PTPRG: variants seen among roughly 807,000 people sequenced by gnomAD.
PTPRG encodes receptor-type tyrosine-protein phosphatase gamma.
PTPRG carries 102 observed loss-of-function variants against 165.3 expected under a neutral mutation model. The observed-to-expected ratio is 0.62, with a 90% CI of 0.53 to 0.73. The LOEUF (loss-of-function observed/expected upper bound fraction) is 0.73. Among genes scored for constraint, PTPRG ranks in the 30% least tolerant of loss-of-function variants. PTPRG has a pLI of 0.00. For synonymous variants in PTPRG, 675 were observed against 669.5 expected, an observed-to-expected ratio of 1.01 and a Z score of -0.13; for missense variants, 1,866 against 1,861.4, an observed-to-expected ratio of 1.00 and a Z score of -0.05.
At chr3:62,200,116 T>C (rs917390881) in intron 10 of PTPRG, among the ~76,000 whole-genome samples, 1 of 152,156 alleles carries the variant, frequency 6.6e-6, no homozygotes, top group Non-Finnish European at 1.5e-5. Flanking sequence ...GGTTCTTCAA[T>C]GCGTGTAGAG....
At chr3:61,626,462 G>T (rs988042095) in intron 1 of PTPRG, among the ~76,000 whole-genome samples, 2 of 152,150 alleles carry the variant, frequency 1.3e-5, no homozygotes, top group South Asian at 4.1e-4. Flanking sequence ...GCAGAATGTG[G>T]AATGGGTAGG....
chr3:62,016,991 T>A (rs2107750230), intron 4 of PTPRG, among the ~76,000 whole-genome samples: 1 of 152,320 alleles, frequency 6.6e-6, no homozygotes, highest in African/African-American at 2.4e-5. Flanking sequence ...GTTATTTACT[T>A]ATTGATTTCT....
chr3:62,194,818 G>T (rs1343704514), intron 9 of PTPRG, among the ~76,000 whole-genome samples: 1 of 150,358 alleles, frequency 6.7e-6, no homozygotes. Context: ...AAAAAAAAAA[G>T]AATAATGTTA....
chr3:62,015,287 A>AG (rs2041515031), intron 4 of PTPRG, among the ~76,000 whole-genome samples: 1 of 152,168 alleles, frequency 6.6e-6, no homozygotes, highest in Non-Finnish European at 1.5e-5. Context: ...TTTGAGGCAG[A>AG]GGCAGGAACC....
intron 2 of PTPRG, among the ~76,000 whole-genome samples, chr3:61,809,915 C>T (rs868784618): frequency 3.7e-4 from 57 of 152,290 alleles, no homozygotes; most frequent in African/African-American, 1.3e-3. Context: ...GCTCCTGTAT[C>T]AGGGAGGCAG....
intron 8 of PTPRG, among the ~76,000 whole-genome samples, chr3:62,170,081 G>C (rs1705159138): frequency 6.6e-6 from 1 of 152,102 alleles, no homozygotes. Context: ...CAGGCACCAG[G>C]TTCCCTCAAG....
chr3:61,632,240 T>C (rs1366570585), intron 1 of PTPRG, among the ~76,000 whole-genome samples: 1 of 151,638 alleles, frequency 6.6e-6, no homozygotes, highest in Admixed American at 6.6e-5. Flanking sequence ...CCTGGGGAGG[T>C]CAAGGCTGCA....
intron 5 of PTPRG, among the ~76,000 whole-genome samples, chr3:62,114,874 A>G (rs1702804329): frequency 1.3e-5 from 2 of 152,130 alleles, no homozygotes; most frequent in South Asian, 4.1e-4. Context: ...TCCTGGCCTC[A>G]AGCAATCCTC....
intron 2 of PTPRG, among the ~76,000 whole-genome samples, chr3:61,846,681 G>C (rs922244054): frequency 8.5e-5 from 13 of 152,148 alleles, no homozygotes; most frequent in Admixed American, 6.6e-5. Flanking sequence ...TTGGGAGGTT[G>C]AAGTAGACAG....
chr3:61,887,057 T>C (rs73096173), intron 2 of PTPRG, among the ~76,000 whole-genome samples: 8,739 of 147,810 alleles, frequency 0.059, 398 homozygotes, highest in East Asian at 0.23. Flanking sequence ...ACATCTCTTA[T>C]TTTCTGATTG....
In PTPRG at chr3:62,271,661, T is replaced by TC; in HGVS notation, c.3182+108dup. The TC allele has an allele frequency of 1.9e-6, 2 of 1,058,742 alleles. No homozygotes were observed. The highest frequency in any genetic ancestry group is 3.6e-5 in the South Asian group (2 of 54,826). 65.6% of individuals were successfully genotyped at this position (1,058,742 alleles called of 1,614,324 possible). On this transcript the variant is annotated intron_variant, in intron 21 of 29. Coordinates refer to ENST00000474889, the MANE Select transcript of PTPRG (RefSeq NM_002841.4). This position sits in a 1 kb window ranked among gnomAD's most constrained non-coding sequence, Gnocchi z 4.1. ...CTGCTTTCACTTAGAAGCTGAATCTTCCACTGGAAACTGGGATGGATAAGA... is the reference window on the plus strand; with the variant it reads ...CTGCTTTCACTTAGAAGCTGAATCTTCCCACTGGAAACTGGGATGGATAAGA...
rs1417138732 is a variant in PTPRG at position 61,738,305 on chromosome 3, T to C, written c.86-10573T>C. 7.0e-5 allele frequency among the ~76,000 whole-genome samples: 7 copies of C among 99,918 alleles called. 1 individual carries two copies. The highest frequency in any genetic ancestry group is 4.3e-3 in the Middle Eastern group (1 of 234). The allele number at this position is 99,918 out of a possible 152,430, so 65.6% of individuals were successfully genotyped here. On this transcript the variant is annotated intron_variant, in intron 1 of 29. Coordinates refer to ENST00000474889, the MANE Select transcript of PTPRG (RefSeq NM_002841.4). ...ATATATATATATATATATATATATA[T>C]ATATATACATATATATATATATATA...
chr3:61,584,575 T>G lies in PTPRG; in HGVS notation c.85+22203T>G, dbSNP rs1700387324. Among the ~76,000 whole-genome samples the G allele has an allele frequency of 1.4e-4, 4 of 27,904 alleles. No homozygotes were observed. The South Asian group carries it at 3.0e-3, about 21-fold the overall frequency. 18.3% of individuals were successfully genotyped at this position (27,904 alleles called of 152,430 possible). On this transcript the variant is annotated intron_variant, in intron 1 of 29. Coordinates refer to ENST00000474889, the MANE Select transcript of PTPRG (RefSeq NM_002841.4). ...CTGTACTTTCAAGTAAAGTTTAGGTTTTTTTTTTTTTTTCTACTTTTTCTG... is the reference window on the plus strand; with the variant it reads ...CTGTACTTTCAAGTAAAGTTTAGGTGTTTTTTTTTTTTTCTACTTTTTCTG...
intron 1 of PTPRG, among the ~76,000 whole-genome samples, chr3:61,576,402 G>A (rs980417311): frequency 2.0e-5 from 3 of 152,158 alleles, no homozygotes; most frequent in Non-Finnish European, 4.4e-5. Flanking sequence ...TATAAACAGG[G>A]ACATTCAGTG....
chr3:61,887,162 A>ATTT (rs2038071558), intron 2 of PTPRG, among the ~76,000 whole-genome samples: 1 of 89,208 alleles, frequency 1.1e-5, no homozygotes, highest in African/African-American at 3.8e-5. Flanking sequence ...ATATATATAT[A>ATTT]TATATATATT....
chr3:61,590,476 A>G (rs1374041780), intron 1 of PTPRG, among the ~76,000 whole-genome samples: 18 of 152,158 alleles, frequency 1.2e-4, no homozygotes, highest in Admixed American at 1.2e-3. Context: ...GTGAGCCAAG[A>G]TCGTGCCACT....
chr3:62,069,941 C>G (rs1469133462), intron 4 of PTPRG, among the ~76,000 whole-genome samples: 1 of 152,080 alleles, frequency 6.6e-6, no homozygotes, highest in Non-Finnish European at 1.5e-5. Context: ...CTAAAGTCTA[C>G]TGATTTAAAT....
chr3:61,724,585 C>G (rs1017409921), intron 1 of PTPRG, among the ~76,000 whole-genome samples: 5 of 152,058 alleles, frequency 3.3e-5, no homozygotes, highest in African/African-American at 1.2e-4. Context: ...GAGTACCTTT[C>G]CCACTCTACA....
chr3:61,876,789 C>T (rs569945445), intron 2 of PTPRG, among the ~76,000 whole-genome samples: 8 of 152,146 alleles, frequency 5.3e-5, no homozygotes, highest in Admixed American at 1.3e-4. Context: ...CTAGCTTCCT[C>T]CTCCTTCCCC....
Sources: allele counts gnomAD v4.1 joint callset (sites outside exome capture counted in the v4.1 genomes callset), GRCh38; gene constraint gnomAD v4.1.1; non-coding constraint Gnocchi (gnomAD v3.1); transcripts MANE v1.5; gene names NCBI Gene and HGNC (gene_info 2026-07-23, HGNC 2026-07-21).